Variants in TMEM116 observed in about 807,000 individuals in gnomAD.
TMEM116 encodes the protein transmembrane protein 116.
A neutral mutation model predicts 44.3 loss-of-function variants in TMEM116; 38 were observed. The ratio of observed to expected loss-of-function variants is 0.86; its 90% CI spans 0.66 to 1.12. The LOEUF (loss-of-function observed/expected upper bound fraction) is 1.12. Among genes scored for constraint, TMEM116 ranks in the 50% most tolerant of loss-of-function variants. The pLI is 0.00. For synonymous variants in TMEM116, 132 were observed against 144.8 expected (o/e 0.91, Z 0.64); for missense variants, 354 against 401.7 (o/e 0.88, Z 1.01).
intron 4 of TMEM116, among the ~76,000 whole-genome samples, chr12:111,951,031 A>G (rs368748553): frequency 6.6e-6 from 1 of 152,246 alleles, no homozygotes; most frequent in East Asian, 1.9e-4. Flanking sequence ...ATGAACAGAT[A>G]CTTTTCAAAA....
intron 4 of TMEM116, among the ~76,000 whole-genome samples, chr12:111,949,932 T>A (rs1260664869): frequency 1.3e-5 from 2 of 152,088 alleles, no homozygotes; most frequent in Non-Finnish European, 2.9e-5. Flanking sequence ...CTGGTCAACA[T>A]GGTGAGACCC....
At chr12:111,960,484 T>A (rs537514459) in intron 4 of TMEM116, among the ~76,000 whole-genome samples, 1 of 86,754 alleles carries the variant, frequency 1.2e-5, no homozygotes, top group African/African-American at 5.0e-5. Flanking sequence ...AGAGCAAGAC[T>A]CCGTCTCAAA....
At chr12:111,950,146 A>AAAACAAAAC (rs534298342) in intron 4 of TMEM116, among the ~76,000 whole-genome samples, 1 of 148,730 alleles carries the variant, frequency 6.7e-6, no homozygotes, top group South Asian at 2.2e-4. Context: ...CAAAACAAAA[A>AAAACAAAAC]AAACAACCAA....
At chr12:111,932,816 C>T (rs987299092) in intron 9 of TMEM116, 157 bp from the exon 10 acceptor site, 13 of 625,092 alleles carry the variant, frequency 2.1e-5, no homozygotes, top group Admixed American at 2.8e-5. Flanking sequence ...GAGTCTTAGG[C>T]CTCCAACTTC....
At chr12:112,005,826 C>G in intron 1 of TMEM116, 14 of 872,870 alleles carry the variant, frequency 1.6e-5, no homozygotes, top group Non-Finnish European at 1.9e-5. Flanking sequence ...GAAAGATAGA[C>G]TAGTAAAACA....
At chr12:112,003,306 C>T (rs1263013696) in intron 3 of TMEM116, among the ~76,000 whole-genome samples, 8 of 152,144 alleles carry the variant, frequency 5.3e-5, no homozygotes, top group East Asian at 1.9e-4. Flanking sequence ...CGGTGGCTCA[C>T]GCCTGTAATC....
intron 4 of TMEM116, among the ~76,000 whole-genome samples, chr12:111,964,636 A>G (rs1354561250): frequency 1.3e-5 from 2 of 152,162 alleles, no homozygotes; most frequent in Non-Finnish European, 2.9e-5. Context: ...ATTAATTAAT[A>G]ACTGCTAACC....
chr12:111,939,530 G>A (rs148892172), intron 5 of TMEM116, among the ~76,000 whole-genome samples: 2 of 151,754 alleles, frequency 1.3e-5, no homozygotes, highest in East Asian at 3.9e-4. Context: ...TAACACAGTG[G>A]CTCACATCTG....
intron 6 of TMEM116, chr12:111,937,938 A>G (rs2072298989): frequency 2.9e-6 from 1 of 344,336 alleles, no homozygotes; most frequent in Non-Finnish European, 5.4e-6. Context: ...CATAGAGTTG[A>G]TGGTAGATTT....
chr12:111,984,852 A>G (rs1054665889), intron 4 of TMEM116, among the ~76,000 whole-genome samples: 1 of 152,136 alleles, frequency 6.6e-6, no homozygotes, highest in Non-Finnish European at 1.5e-5. Context: ...AAAAATTTTA[A>G]ATGTTACCAA....
At chr12:111,997,972 G>A (rs1389030402) in intron 3 of TMEM116, among the ~76,000 whole-genome samples, 1 of 152,122 alleles carries the variant, frequency 6.6e-6, no homozygotes, top group Non-Finnish European at 1.5e-5. Context: ...ACTGTTAAGA[G>A]ATTTAAAAAT....
At chr12:111,995,908 C>T (rs2076906351) in intron 3 of TMEM116, among the ~76,000 whole-genome samples, 1 of 151,656 alleles carries the variant, frequency 6.6e-6, no homozygotes, top group African/African-American at 2.4e-5. Flanking sequence ...GGCATGGTGA[C>T]ACACACTTGT....
At chr12:111,993,597 G>A (rs2076748153) in intron 3 of TMEM116, 1 of 543,678 alleles carries the variant, frequency 1.8e-6, no homozygotes, top group African/African-American at 1.9e-5. Context: ...CTCCCAAGAT[G>A]TATAAGGAAG....
intron 4 of TMEM116, among the ~76,000 whole-genome samples, chr12:111,976,923 GA>G (rs1390167889): frequency 2.0e-5 from 3 of 151,604 alleles, no homozygotes; most frequent in African/African-American, 7.3e-5. Context: ...AAAATGCAAA[GA>G]AAAAAAGAAT....
At chr12:111,965,320 T>A (rs2136417785) in intron 4 of TMEM116, among the ~76,000 whole-genome samples, 1 of 152,306 alleles carries the variant, frequency 6.6e-6, no homozygotes, top group Non-Finnish European at 1.5e-5. Context: ...TATATCCCTC[T>A]TTGATATTTT....
intron 4 of TMEM116, 55 bp downstream of exon 4, chr12:111,991,703 C>T: frequency 2.0e-6 from 3 of 1,506,814 alleles, no homozygotes; most frequent in Non-Finnish European, 2.7e-6. Context: ...TTGTTTCTAT[C>T]TAGATCTGAG....
intron 4 of TMEM116, among the ~76,000 whole-genome samples, chr12:111,977,138 T>C (rs1194528826): frequency 1.3e-5 from 2 of 151,926 alleles, no homozygotes; most frequent in African/African-American, 4.8e-5. Flanking sequence ...TCAAGCAAGA[T>C]AAAAACCAAA....
chr12:111,992,332 C>T (rs1461148607), intron 3 of TMEM116, among the ~76,000 whole-genome samples: 1 of 151,260 alleles, frequency 6.6e-6, no homozygotes, highest in Non-Finnish European at 1.5e-5. Flanking sequence ...TGCAGTGGCA[C>T]GATCTCGGCT....
intron 4 of TMEM116, among the ~76,000 whole-genome samples, chr12:111,955,590 A>C (rs1335702536): frequency 6.6e-6 from 1 of 152,220 alleles, no homozygotes; most frequent in East Asian, 1.9e-4. Context: ...CTGGCATTGC[A>C]ACATCTTTTT....
Sources: gnomAD v4.1 joint callset for allele counts (sites outside exome capture counted in the v4.1 genomes callset) on GRCh38, gnomAD v4.1.1 for gene constraint, MANE v1.5 for transcripts, NCBI Gene and HGNC (gene_info 2026-07-23, HGNC 2026-07-21) for gene names.